Variants in VANGL1 observed in about 807,000 individuals in gnomAD.
VANGL1 encodes the protein VANGL planar cell polarity protein 1, also known as vang-like protein 1.
VANGL1 carries 18 observed loss-of-function variants against 48.4 expected under a neutral mutation model. That is an observed-to-expected ratio of 0.37 (90% CI 0.26 to 0.55). The LOEUF is 0.55. Ranked by LOEUF, VANGL1 falls within the 20% of genes least tolerant of loss-of-function variation. The pLI, the probability that VANGL1 is intolerant of heterozygous loss-of-function variation, is 0.81. For missense variants in VANGL1, 667 were observed against 675.8 expected, an observed-to-expected ratio of 0.99 and a Z score of 0.14; for synonymous variants, 257 against 261.8, an observed-to-expected ratio of 0.98 and a Z score of 0.18.
rs959206810 is a variant in VANGL1, at chr1:115,694,514, C to A, written c.*3135C>A. On this transcript the variant is annotated 3_prime_UTR_variant, in exon 8 of 8. Coordinates refer to ENST00000355485, the MANE Select transcript of VANGL1 (RefSeq NM_138959.3). ...AGTAGTTGGTGGTAGATTTCTCTCT[C>A]ATTTTGCCTCATAATCACTTTCGAG... The A allele has an allele frequency of 4.6e-5, 7 of 152,190 alleles. No homozygotes were observed. The highest frequency in any genetic ancestry group is 1.7e-4 in the African/African-American group (7 of 41,438). 9.4% of individuals were successfully genotyped at this position (152,190 alleles called of 1,614,324 possible). A position where few individuals can be genotyped will look rare whatever the true frequency, so the allele number is the denominator to read the frequency against.
chr1:115,648,278 T>G (rs1227835666), intron 1 of VANGL1, among the ~76,000 whole-genome samples: 1 of 152,206 alleles, frequency 6.6e-6, no homozygotes, highest in Non-Finnish European at 1.5e-5. Flanking sequence ...AGGATGTTAC[T>G]TGGCTCATAG....
intron 1 of VANGL1, chr1:115,642,729 G>A (rs1378162928): frequency 6.6e-6 from 1 of 152,200 alleles, no homozygotes; most frequent in African/African-American, 2.4e-5. Flanking sequence ...TTTCAAAAAC[G>A]CCGGGGTGGA....
At chr1:115,645,424 A>G (rs1228019097) in intron 1 of VANGL1, among the ~76,000 whole-genome samples, 1 of 152,198 alleles carries the variant, frequency 6.6e-6, no homozygotes, top group Non-Finnish European at 1.5e-5. Flanking sequence ...GCACTGTTCT[A>G]ATAATTTTTA....
Position 115,690,193 on chromosome 1 carries a change from G to A in VANGL1, c.1315-926G>A, listed in dbSNP as rs1283414928. 3.5e-5 allele frequency among the ~76,000 whole-genome samples: 3 copies of A among 84,712 alleles called. 1 individual carries two copies. The highest frequency in any genetic ancestry group is 7.6e-5 in the Non-Finnish European group (3 of 39,298). The allele number at this position is 84,712 out of a possible 152,430, so 55.6% of individuals were successfully genotyped here. A position where few individuals can be genotyped will look rare whatever the true frequency, so the allele number is the denominator to read the frequency against. ...TCAAGAGAGTGAAGTGTAGTGTGGGGAGCAGACATGCAAGTCAGCAATCAC... is the reference window on the plus strand; with the variant it reads ...TCAAGAGAGTGAAGTGTAGTGTGGGAAGCAGACATGCAAGTCAGCAATCAC... On this transcript the variant is annotated intron_variant, in intron 7 of 7. Coordinates refer to ENST00000355485, the MANE Select transcript of VANGL1 (RefSeq NM_138959.3).
At chr1:115,675,769 G>A (rs769591966) in intron 4 of VANGL1, among the ~76,000 whole-genome samples, 2 of 152,156 alleles carry the variant, frequency 1.3e-5, no homozygotes, top group Admixed American at 1.3e-4. Context: ...CAGCTTGGGC[G>A]ACAGAGCGAG....
In VANGL1 at chr1:115,664,259, G is replaced by A; in HGVS notation, c.803G>A (p.Gly268Glu). The A allele has an allele frequency of 6.2e-7, 1 of 1,613,854 alleles. No homozygotes were observed. The highest frequency in any genetic ancestry group is 8.5e-7 in the Non-Finnish European group (1 of 1,179,972). The stretch of plus-strand genomic sequence containing the variant: ...GGCGAGTCCCGCTTCTACAGCCTGG[G>A]ACACCTGAGGTAAGAGGCAACATCC... ...TDGESRFYSL[G>E]HLSIQRAALV... Residue 268 changes from glycine (G) to glutamate (E), a missense_variant, in exon 4 of 8, where the codon GGA (glycine) becomes GAA (glutamate). Gly to Glu is a moderately conservative substitution (Grantham distance 98). Coordinates refer to ENST00000355485, the MANE Select transcript of VANGL1 (RefSeq NM_138959.3).
intron 2 of VANGL1, among the ~76,000 whole-genome samples, chr1:115,655,910 A>AT (rs1652337275): frequency 6.6e-6 from 1 of 152,196 alleles, no homozygotes; most frequent in Admixed American, 6.5e-5. Context: ...GAATGCCAGG[A>AT]TTTTTGCAGA....
At position 115,697,004 on chromosome 1, in the gene VANGL1, G is replaced by T. The variant is rs939445166; in HGVS notation, c.*5625G>T. The T allele has an allele frequency of 6.6e-6, 1 of 152,206 alleles. No homozygotes were observed. Among genetic ancestry groups the T allele is most frequent in the African/African-American group, 2.4e-5 (1 of 41,466 alleles). 9.4% of individuals were successfully genotyped at this position (152,206 alleles called of 1,614,324 possible). ...TTTGAATGTACAGTTGTTTGGTTTT[G>T]TATGTGCTTATCTTTATCTGAGCTT... On this transcript the variant is annotated 3_prime_UTR_variant, in exon 8 of 8. Coordinates refer to ENST00000355485, the MANE Select transcript of VANGL1 (RefSeq NM_138959.3).
chr1:115,644,951 G>A (rs1651862579), intron 1 of VANGL1, among the ~76,000 whole-genome samples: 1 of 152,202 alleles, frequency 6.6e-6, no homozygotes, highest in African/African-American at 2.4e-5. Flanking sequence ...TCATTTATAA[G>A]CTGTTGTAAT....
At chr1:115,690,817 C>T (rs537422901) in intron 7 of VANGL1, among the ~76,000 whole-genome samples, 2 of 152,300 alleles carry the variant, frequency 1.3e-5, no homozygotes, top group African/African-American at 4.8e-5. Context: ...GCAGCCATGA[C>T]GGCTTCCAGC....
At chr1:115,649,042 A>G (rs1467597720) in intron 1 of VANGL1, among the ~76,000 whole-genome samples, 1 of 152,182 alleles carries the variant, frequency 6.6e-6, no homozygotes, top group East Asian at 1.9e-4. Context: ...TCTTCGAAGC[A>G]CATCCTAATG....
chr1:115,659,590 A>G (rs777475725), intron 2 of VANGL1, 51 bp from the exon 3 acceptor site: 2 of 1,612,874 alleles, frequency 1.2e-6, no homozygotes, highest in African/African-American at 2.7e-5. Context: ...TGATAAACCC[A>G]GAGAGTTAAT....
At position 115,695,312 on chromosome 1, in the gene VANGL1, G is replaced by A. The variant is rs1653994742; in HGVS notation, c.*3933G>A. 6.6e-6 allele frequency: 1 copy of A among 152,592 alleles called. No individual in the cohort carries two copies. The highest frequency in any genetic ancestry group is 1.5e-5 in the Non-Finnish European group (1 of 68,026). The allele number at this position is 152,592 out of a possible 1,614,324, so 9.5% of individuals were successfully genotyped here. On this transcript the variant is annotated 3_prime_UTR_variant, in exon 8 of 8. Transcript: ENST00000355485. ...GCATATTTATTTAAATAGTCCTGCA[G>A]CAGAGACCCTGCGATTGTAAAGTGA...
chr1:115,694,018 T>G lies in VANGL1; in HGVS notation c.*2639T>G, dbSNP rs1266661021. 2 of 152,226 alleles carry G rather than the reference T, an allele frequency of 1.3e-5. No homozygotes were observed. Among genetic ancestry groups the G allele is most frequent in the Non-Finnish European group, 2.9e-5 (2 of 68,036 alleles). 9.4% of individuals were successfully genotyped at this position (152,226 alleles called of 1,614,324 possible). On this transcript the variant is annotated 3_prime_UTR_variant, in exon 8 of 8. Transcript: ENST00000355485. ...CTTAATGAGGAGTCTATATCTGAGA[T>G]TGCTCTCTTCCCTGGTGATGTTTTA...
intron 4 of VANGL1, among the ~76,000 whole-genome samples, chr1:115,681,509 T>TTG (rs1474431959): frequency 6.9e-6 from 1 of 144,424 alleles, no homozygotes; most frequent in Non-Finnish European, 1.5e-5. Context: ...TGTTGTTTTT[T>TTG]TTGTTTTTTT....
chr1:115,669,989 G>A (rs12137858), intron 4 of VANGL1, among the ~76,000 whole-genome samples: 55,131 of 152,042 alleles, frequency 0.36, 10,276 homozygotes, highest in Admixed American at 0.42. Flanking sequence ...CTCCAGTGTG[G>A]CATATTTGGA....
chr1:115,654,545 T>C (rs1652275402), intron 2 of VANGL1, among the ~76,000 whole-genome samples: 1 of 151,474 alleles, frequency 6.6e-6, no homozygotes, highest in Non-Finnish European at 1.5e-5. Context: ...AACAGCTGTT[T>C]CTGGTATTTC....
intron 4 of VANGL1, among the ~76,000 whole-genome samples, chr1:115,665,955 A>C (rs1652763808): frequency 6.6e-6 from 1 of 152,220 alleles, no homozygotes; most frequent in Non-Finnish European, 1.5e-5. Context: ...TCTGGTGGAC[A>C]GGTGCAGAAA....
rs916231637 is a variant in VANGL1, at chr1:115,691,524, C to G, written c.*145C>G. 2.4e-5 allele frequency: 22 copies of G among 930,490 alleles called. No individual in the cohort carries two copies. In the African/African-American group the frequency reaches 3.7e-4, roughly 16 times the overall value. The allele number at this position is 930,490 out of a possible 1,614,324, so 57.6% of individuals were successfully genotyped here. ...TGATTGACCAGTATCCTTTGACCAT[C>G]TGCACTTTATTTGGAAGGAAGCAGG... On this transcript the variant is annotated 3_prime_UTR_variant, in exon 8 of 8. Transcript: ENST00000355485.
Sources: allele counts gnomAD v4.1 joint callset (sites outside exome capture counted in the v4.1 genomes callset), GRCh38; gene constraint gnomAD v4.1.1; transcripts MANE v1.5; gene names NCBI Gene and HGNC (gene_info 2026-07-23, HGNC 2026-07-21).